ULK4: variants seen among roughly 807,000 people sequenced by gnomAD.
ULK4 encodes inactive serine/threonine-protein kinase ULK4.
In ULK4, 133 loss-of-function variants were observed where a neutral mutation model predicts 160.6. The ratio of observed to expected loss-of-function variants is 0.83; its 90% CI spans 0.72 to 0.96. The LOEUF is 0.96. Ranked by LOEUF, ULK4 falls within the 40% of genes least tolerant of loss-of-function variation. The probability of loss-of-function intolerance (pLI) is 0.00; values close to 1 mark genes in which losing one functional copy is unlikely to be tolerated. For synonymous variants in ULK4, 534 were observed against 539.8 expected (o/e 0.99, Z 0.15); for missense variants, 1,580 against 1,499.5 (o/e 1.05, Z -0.89).
intron 5 of ULK4, among the ~76,000 whole-genome samples, chr3:41,924,087 T>C (rs1407581634): frequency 1.3e-5 from 2 of 152,168 alleles, no homozygotes; most frequent in African/African-American, 4.8e-5. Flanking sequence ...TTTTCGATAT[T>C]ATTTTTATGC....
chr3:41,383,603 C>G (rs1339345440), intron 35 of ULK4, among the ~76,000 whole-genome samples: 1 of 152,138 alleles, frequency 6.6e-6, no homozygotes, highest in Admixed American at 6.5e-5. Flanking sequence ...GCCATAGGAA[C>G]TTACAATTAC....
At chr3:41,615,394 G>T (rs2032910609) in intron 31 of ULK4, among the ~76,000 whole-genome samples, 1 of 152,140 alleles carries the variant, frequency 6.6e-6, no homozygotes, top group Non-Finnish European at 1.5e-5. Flanking sequence ...AGTAATCTAT[G>T]TTAGAAAATA....
chr3:41,882,815 G>T (rs1380728143), intron 17 of ULK4, among the ~76,000 whole-genome samples: 4 of 152,018 alleles, frequency 2.6e-5, no homozygotes, highest in African/African-American at 9.7e-5. Flanking sequence ...GAGACCTTTT[G>T]CTCTGAGCCA....
intron 29 of ULK4, among the ~76,000 whole-genome samples, chr3:41,667,642 C>A (rs772493874): frequency 1.1e-4 from 17 of 152,118 alleles, no homozygotes; most frequent in Non-Finnish European, 2.1e-4. Context: ...ACTCCTAGTG[C>A]CCTGAGGCTG....
chr3:41,911,455 A>G (rs1460101272), intron 10 of ULK4, 69 bp from the exon 11 acceptor site: 2 of 1,589,056 alleles, frequency 1.3e-6, no homozygotes, highest in East Asian at 4.5e-5. Context: ...TAACGTACAC[A>G]AAGATTTAAA....
chr3:41,445,798 C>A (rs1004991766), intron 34 of ULK4, among the ~76,000 whole-genome samples: 1 of 152,086 alleles, frequency 6.6e-6, no homozygotes, highest in African/African-American at 2.4e-5. Context: ...CAATACCATT[C>A]AGGACATAGG....
chr3:41,323,837 AG>A, intron 35 of ULK4, among the ~76,000 whole-genome samples: 1 of 152,340 alleles, frequency 6.6e-6, no homozygotes, highest in East Asian at 1.9e-4. Flanking sequence ...GAGAGACTTT[AG>A]GATTTAAAAA....
chr3:41,464,086 A>T (rs1160043632), intron 32 of ULK4, among the ~76,000 whole-genome samples: 1 of 151,982 alleles, frequency 6.6e-6, no homozygotes, highest in East Asian at 1.9e-4. Context: ...AGGAAGTCTG[A>T]TGTGTATTAA....
intron 29 of ULK4, among the ~76,000 whole-genome samples, chr3:41,666,451 T>C (rs2035353359): frequency 6.6e-6 from 1 of 152,176 alleles, no homozygotes; most frequent in East Asian, 1.9e-4. Flanking sequence ...CTTTATAGCA[T>C]ACATCCCTAA....
At chr3:41,718,724 C>A (rs909391605) in intron 22 of ULK4, among the ~76,000 whole-genome samples, 7 of 152,192 alleles carry the variant, frequency 4.6e-5, no homozygotes, top group Non-Finnish European at 7.3e-5. Context: ...TTTTACTTCT[C>A]AGGAAGAACT....
chr3:41,745,741 G>A (rs73069394), intron 22 of ULK4, among the ~76,000 whole-genome samples: 46,388 of 150,790 alleles, frequency 0.31, 10,458 homozygotes, highest in African/African-American at 0.63. Context: ...ATGAACTTAA[G>A]GGAAAAAATC....
intron 32 of ULK4, among the ~76,000 whole-genome samples, chr3:41,510,242 T>C (rs930664031): frequency 2.3e-4 from 35 of 152,212 alleles, no homozygotes; most frequent in Admixed American, 1.6e-3. Context: ...AAGAAGGACA[T>C]TACATAATGA....
chr3:41,310,688 G>A (rs2080031641), intron 35 of ULK4, among the ~76,000 whole-genome samples: 1 of 152,114 alleles, frequency 6.6e-6, no homozygotes, highest in Non-Finnish European at 1.5e-5. Flanking sequence ...TAAGAGGATG[G>A]AAAATGAAAT....
At chr3:41,588,680 GATTT>G (rs1426069127) in intron 31 of ULK4, among the ~76,000 whole-genome samples, 2 of 152,104 alleles carry the variant, frequency 1.3e-5, no homozygotes, top group Non-Finnish European at 2.9e-5. Context: ...TTTATAATGT[GATTT>G]ATACCAATAG....
At chr3:41,948,460 G>T (rs947911674) in intron 2 of ULK4, among the ~76,000 whole-genome samples, 1 of 152,004 alleles carries the variant, frequency 6.6e-6, no homozygotes, top group Non-Finnish European at 1.5e-5. Flanking sequence ...TCAAAAAAAA[G>T]AAAGAGTGTT....
At chr3:41,565,958 A>G (rs898627957) in intron 32 of ULK4, 67 bp downstream of exon 32, 28 of 1,237,806 alleles carry the variant, frequency 2.3e-5, no homozygotes, top group Admixed American at 9.3e-5. Flanking sequence ...TCTAGACTCC[A>G]CGCTATATAA....
chr3:41,764,860 C>T (rs891951145), intron 21 of ULK4, among the ~76,000 whole-genome samples: 3 of 152,164 alleles, frequency 2.0e-5, no homozygotes, highest in African/African-American at 7.2e-5. Flanking sequence ...ATAAAAATAT[C>T]ATTAAGCATA....
At chr3:41,637,251 G>C (rs972475067) in intron 30 of ULK4, among the ~76,000 whole-genome samples, 3 of 152,042 alleles carry the variant, frequency 2.0e-5, no homozygotes, top group Admixed American at 2.0e-4. Context: ...CTACTTCTGA[G>C]TCAAAATTTT....
intron 35 of ULK4, among the ~76,000 whole-genome samples, chr3:41,302,308 T>A (rs150469299): frequency 6.6e-6 from 1 of 152,202 alleles, no homozygotes; most frequent in African/African-American, 2.4e-5. Context: ...TTCCTTAACT[T>A]ATTATTAAGT....
Sources: allele counts gnomAD v4.1 joint callset (sites outside exome capture counted in the v4.1 genomes callset), GRCh38; gene constraint gnomAD v4.1.1; transcripts MANE v1.5; gene names NCBI Gene and HGNC (gene_info 2026-07-23, HGNC 2026-07-21).